The following SNX8 variants were observed in gnomAD, a reference collection of about 807,000 sequenced individuals.
SNX8 encodes the protein sorting nexin-8.
A neutral mutation model predicts 51.6 loss-of-function variants in SNX8; 25 were observed. The ratio of observed to expected loss-of-function variants is 0.48; its 90% CI spans 0.35 to 0.68. The LOEUF is 0.68. SNX8 is among the 30% of genes least tolerant of loss of function. The pLI, the probability that SNX8 is intolerant of heterozygous loss-of-function variation, is 0.00. For missense variants in SNX8, 695 were observed against 624.0 expected (o/e 1.11, Z -1.21); for synonymous variants, 324 against 277.0 (o/e 1.17, Z -1.68).
At chr7:2,316,376 T>C (rs1453153379), upstream of SNX8, among the ~76,000 whole-genome samples, 68 of 89,976 alleles carry the variant, frequency 7.6e-4, no homozygotes, top group African/African-American at 1.1e-3. Context: ...CACTCACTCA[T>C]GCACTGCATC....
Position 2,263,342 on chromosome 7 carries a change from G to A in SNX8, c.803C>T (p.Thr268Ile), listed in dbSNP as rs10229132. ...KELSAIGSDT[T>I]PLPSWAALNS... ...CAGAGCGGCCCAGGAGGGCAGCGGG[G>A]TCGTGTCAGACCCTATTGCACTGAG... The change falls in exon 7 of 11, where the codon ACC (threonine) becomes ATC (isoleucine). Residue 268 changes from threonine to isoleucine, a missense_variant. Physicochemically the swap from Thr to Ile is moderately conservative, Grantham distance 89 (BLOSUM62 -1). Transcript: ENST00000222990. The A allele has an allele frequency of 2.0e-3, 3,148 of 1,607,852 alleles. 57 individuals are homozygous for A. The African/African-American group carries it at 0.037, about 19-fold the overall frequency.
intron 1 of SNX8, among the ~76,000 whole-genome samples, chr7:2,350,302 T>C (rs889239229): frequency 1.3e-5 from 2 of 152,122 alleles, no homozygotes; most frequent in African/African-American, 2.4e-5. Context: ...CGGCCCAGTC[T>C]CCGGGCTCAG....
At chr7:2,333,069 TTTTG>T (rs1381748487) in intron 1 of SNX8, among the ~76,000 whole-genome samples, 3 of 149,310 alleles carry the variant, frequency 2.0e-5, no homozygotes, top group African/African-American at 2.5e-5. Context: ...AGGAGTTCTT[TTTTG>T]TTTCTTTTAA....
At chr7:2,280,369 C>T (rs1795881872) in intron 1 of SNX8, among the ~76,000 whole-genome samples, 1 of 151,788 alleles carries the variant, frequency 6.6e-6, no homozygotes, top group Non-Finnish European at 1.5e-5. Context: ...ATCCCAGCTA[C>T]TCAGGAGGTT....
At chr7:2,322,704 T>C (rs1778547163) in intron 1 of SNX8, among the ~76,000 whole-genome samples, 2 of 145,230 alleles carry the variant, frequency 1.4e-5, no homozygotes, top group South Asian at 4.4e-4. Context: ...AAAAGTAAAA[T>C]AAAATAGAAT....
intron 1 of SNX8, among the ~76,000 whole-genome samples, chr7:2,346,522 A>AC (rs2115249969): frequency 1.3e-5 from 2 of 151,482 alleles, no homozygotes; most frequent in African/African-American, 2.4e-5. Context: ...CCGAGGTGGG[A>AC]GGATCACGAG....
intron 1 of SNX8, among the ~76,000 whole-genome samples, chr7:2,345,141 A>C (rs763472110): frequency 6.6e-6 from 1 of 152,176 alleles, no homozygotes; most frequent in East Asian, 1.9e-4. Context: ...AGAGACAAGC[A>C]TAAGAGTCTT....
intron 1 of SNX8, among the ~76,000 whole-genome samples, chr7:2,286,141 A>G (rs1796023394): frequency 6.6e-6 from 1 of 151,612 alleles, no homozygotes; most frequent in South Asian, 2.1e-4. Context: ...CCTTCAGAGC[A>G]GCTGGGATTA....
At position 2,255,171 on chromosome 7, in the gene SNX8, T is replaced by C; in HGVS notation, c.1285-2A>G. On this transcript the variant is annotated splice_acceptor_variant, in intron 10 of 10. Transcript: ENST00000222990. LOFTEE classifies it high-confidence loss of function. ...CAGGTCGTTCCACACCTTGCTCATC[T>C]GAAAGGGAAGCGAAGAGAACAAGAT... 6.5e-7 allele frequency: 1 copy of C among 1,529,870 alleles called. No individual in the cohort carries two copies. The highest frequency in any genetic ancestry group is 8.8e-7 in the Non-Finnish European group (1 of 1,131,040). 94.8% of individuals were successfully genotyped at this position (1,529,870 alleles called of 1,614,324 possible).
intron 1 of SNX8, among the ~76,000 whole-genome samples, chr7:2,343,010 G>T (rs547104459): frequency 6.6e-6 from 1 of 151,836 alleles, no homozygotes; most frequent in Non-Finnish European, 1.5e-5. Context: ...GGTCAGGCTG[G>T]TCTTGAACTC....
intron 1 of SNX8, among the ~76,000 whole-genome samples, chr7:2,323,815 T>G (rs1237804627): frequency 6.6e-6 from 1 of 152,130 alleles, no homozygotes. Flanking sequence ...GGTTTTTTGT[T>G]TTTGTTTTGA....
At chr7:2,269,372 A>T (rs1323017314) in intron 5 of SNX8, among the ~76,000 whole-genome samples, 187 bp downstream of exon 5, 1 of 150,580 alleles carries the variant, frequency 6.6e-6, no homozygotes, top group African/African-American at 2.4e-5. Context: ...GGACACAAAC[A>T]CTGCGGAAGG....
At chr7:2,279,811 G>C (rs1056588640) in intron 1 of SNX8, among the ~76,000 whole-genome samples, 2 of 149,858 alleles carry the variant, frequency 1.3e-5, no homozygotes, top group South Asian at 4.3e-4. Context: ...ACCTGCTCAC[G>C]AATCAGCAAG....
At chr7:2,331,056 G>C (rs1455426662) in intron 1 of SNX8, among the ~76,000 whole-genome samples, 1 of 151,640 alleles carries the variant, frequency 6.6e-6, no homozygotes, top group South Asian at 2.1e-4. Context: ...CATGGTGGCA[G>C]GCACCTGTAA....
chr7:2,295,702 T>G (rs1323301796), intron 1 of SNX8, among the ~76,000 whole-genome samples: 1 of 152,110 alleles, frequency 6.6e-6, no homozygotes, highest in Non-Finnish European at 1.5e-5. Context: ...CCCAATGTTA[T>G]CTTCTAGAGT....
rs1322858582 is a variant in SNX8 at position 2,267,971 on chromosome 7, C to A, written c.621+1588G>T. 2.0e-5 allele frequency among the ~76,000 whole-genome samples: 3 copies of A among 146,484 alleles called. No homozygotes were observed. The East Asian group carries it at 6.1e-4, about 30-fold the overall frequency. On this transcript the variant is annotated intron_variant, in intron 5 of 10. Coordinates refer to ENST00000222990, the MANE Select transcript of SNX8 (RefSeq NM_013321.4). ...GAGCGCCTCTGCCCCGCCGCCCCATCTGGGATGTGAGGAGCGCCTCTGCCC... is the reference window on the plus strand; with the variant it reads ...GAGCGCCTCTGCCCCGCCGCCCCATATGGGATGTGAGGAGCGCCTCTGCCC...
intron 1 of SNX8, among the ~76,000 whole-genome samples, chr7:2,306,478 C>A (rs569907272): frequency 6.6e-6 from 1 of 152,128 alleles, no homozygotes; most frequent in Non-Finnish European, 1.5e-5. Flanking sequence ...GCAAGAATAT[C>A]TCTAACTGAA....
At chr7:2,285,614 A>G (rs1242088712) in intron 1 of SNX8, among the ~76,000 whole-genome samples, 4 of 152,112 alleles carry the variant, frequency 2.6e-5, no homozygotes, top group African/African-American at 9.7e-5. Context: ...CTCATGCCCA[A>G]GACAGCTCCC....
chr7:2,271,536 T>G (rs2115121195), intron 4 of SNX8, among the ~76,000 whole-genome samples: 1 of 152,256 alleles, frequency 6.6e-6, no homozygotes, highest in South Asian at 2.1e-4. Context: ...AAGTCAACAC[T>G]TCTTCCCATC....
Sources: gnomAD v4.1 joint callset for allele counts (sites outside exome capture counted in the v4.1 genomes callset) on GRCh38, gnomAD v4.1.1 for gene constraint, MANE v1.5 for transcripts, NCBI Gene and HGNC (gene_info 2026-07-23, HGNC 2026-07-21) for gene names.